Variants in ARHGAP11B observed in about 807,000 individuals in gnomAD.
ARHGAP11B encodes the protein Rho GTPase activating protein 11B.
A neutral mutation model predicts 27.6 loss-of-function variants in ARHGAP11B; 14 were observed. The ratio of observed to expected loss-of-function variants is 0.51; its 90% CI spans 0.34 to 0.79. The LOEUF (loss-of-function observed/expected upper bound fraction) is 0.79, where lower values mean the gene tolerates loss of function less well. ARHGAP11B is among the 30% of genes least tolerant of loss of function. The pLI, the probability that ARHGAP11B is intolerant of heterozygous loss-of-function variation, is 0.02. For synonymous variants in ARHGAP11B, 82 were observed against 114.1 expected (o/e 0.72, Z 1.80); for missense variants, 245 against 320.1 (o/e 0.77, Z 1.79).
chr15:30,628,053 T>C (rs1176045681), intron 1 of ARHGAP11B, among the ~76,000 whole-genome samples: 2 of 151,428 alleles, frequency 1.3e-5, no homozygotes, highest in Non-Finnish European at 1.5e-5. Flanking sequence ...ATATGGACTT[T>C]TTTTCACCCC....
intron 8 of ARHGAP11B, among the ~76,000 whole-genome samples, chr15:30,645,015 A>G (rs372470711): frequency 1.3e-5 from 2 of 151,822 alleles, no homozygotes; most frequent in East Asian, 3.9e-4. Context: ...AATTTCCACC[A>G]TTTATGGCAG....
At chr15:30,646,290 C>G in exon 9 of ARHGAP11B, 1 of 936,318 alleles carries the variant, frequency 1.1e-6, no homozygotes, top group Non-Finnish European at 1.3e-6. Flanking sequence ...TCTCCTTTCC[C>G]CGCTGGTAGG....
rs867182576 is a variant in ARHGAP11B, at chr15:30,641,358, A to G, written c.*78+2538A>G. 7.1e-4 allele frequency among the ~76,000 whole-genome samples: 106 copies of G among 149,342 alleles called. 2 individuals carry two copies. Among genetic ancestry groups the G allele is most frequent in the African/African-American group, 2.5e-3 (100 of 40,460 alleles). The stretch of plus-strand genomic sequence containing the variant: ...TGTCTCTTTTTTTTTTTTTTGAGAC[A>G]GAGTTTTGCTCTTGTTGCCCAGGCT... On this transcript the variant is annotated intron_variant, in intron 7 of 10. Coordinates refer to ENST00000428041, the Ensembl canonical transcript of ARHGAP11B.
At chr15:30,626,901 T>A in exon 1 of ARHGAP11B, 1 of 1,613,368 alleles carries the variant, frequency 6.2e-7, no homozygotes, top group South Asian at 1.1e-5. Flanking sequence ...AGGGTGTCCG[T>A]GGGCAGTGCG....
intron 2 of ARHGAP11B, 51 bp from the exon 3 acceptor site, chr15:30,633,439 G>T: frequency 6.6e-7 from 1 of 1,512,670 alleles, no homozygotes; most frequent in Non-Finnish European, 9.1e-7. Flanking sequence ...GTTAGCAGAG[G>T]AATAGGATGT....
At chr15:30,634,545 T>C (rs2060266772) in intron 4 of ARHGAP11B, 122 bp downstream of exon 4, 1 of 1,430,328 alleles carries the variant, frequency 7.0e-7, no homozygotes, top group Non-Finnish European at 9.4e-7. Context: ...CCATATTTCA[T>C]TACTATGAGG....
chr15:30,635,760 C>T (rs1057128672), intron 6 of ARHGAP11B, 127 bp downstream of exon 6: 8 of 877,798 alleles, frequency 9.1e-6, no homozygotes, highest in Non-Finnish European at 1.2e-5. Context: ...AAAGATAGGA[C>T]GTATGCGTGT....
At chr15:30,629,112 T>C (rs1253054891) in intron 1 of ARHGAP11B, among the ~76,000 whole-genome samples, 1 of 152,096 alleles carries the variant, frequency 6.6e-6, no homozygotes. Flanking sequence ...CAGACACTGA[T>C]ACAAGTGTTT....
rs71103435 is a variant in ARHGAP11B, at chr15:30,639,971, A to AGTGTGTGTGTGTGT, written c.*78+1180_*78+1193dup. Among the ~76,000 whole-genome samples, 147 of 143,280 alleles carry AGTGTGTGTGTGTGT rather than the reference A, an allele frequency of 1.0e-3. 2 individuals carry two copies. Among genetic ancestry groups the AGTGTGTGTGTGTGT allele is most frequent in the African/African-American group, 2.3e-3 (88 of 38,828 alleles). 94.0% of individuals were successfully genotyped at this position (143,280 alleles called of 152,430 possible). A position where few individuals can be genotyped will look rare whatever the true frequency, so the allele number is the denominator to read the frequency against. Reference sequence around the variant, plus strand: ...TAAAATAGACAGTGTTTCAATATAGAGTGTGTGTGTGTGTGTGTGTGTGTG... The same window carrying AGTGTGTGTGTGTGT: ...TAAAATAGACAGTGTTTCAATATAGAGTGTGTGTGTGTGTGTGTGTGTGTGTGTGTGTGTGTGTG... On this transcript the variant is annotated intron_variant, in intron 7 of 10. Coordinates refer to ENST00000428041, the Ensembl canonical transcript of ARHGAP11B.
intron 1 of ARHGAP11B, among the ~76,000 whole-genome samples, chr15:30,629,310 G>A (rs187034948): frequency 6.3e-4 from 96 of 152,130 alleles, no homozygotes; most frequent in East Asian, 3.1e-3. Flanking sequence ...TTGGGAGGCC[G>A]AGGAGGGTGG....
exon 11 of ARHGAP11B, among the ~76,000 whole-genome samples, chr15:30,648,345 G>C (rs954724601): frequency 1.3e-5 from 2 of 152,008 alleles, no homozygotes; most frequent in African/African-American, 2.4e-5. Context: ...TCAAGTGTTA[G>C]AAGGCTCTGG....
At chr15:30,636,352 A>G (rs2060279576) in intron 6 of ARHGAP11B, among the ~76,000 whole-genome samples, 1 of 152,014 alleles carries the variant, frequency 6.6e-6, no homozygotes, top group South Asian at 2.1e-4. Flanking sequence ...TCAAGGAAGA[A>G]TCAGAAAGAC....
rs150590279 is a variant in ARHGAP11B at position 30,635,211 on chromosome 15, TAC to T, written c.660+25_660+26del. On this transcript the variant is annotated intron_variant, in intron 5 of 10. Transcript: ENST00000428041. ...AAGGTACGATTACAGGCTGCAGTAG[TAC>T]AGACTCTTATCGATTATGCATCAGA... 6.7e-3 allele frequency: 10,806 copies of T among 1,610,656 alleles called. 333 individuals carry two copies. The African/African-American group carries it at 0.079, about 12-fold the overall frequency.
chr15:30,638,809 A>G, exon 7 of ARHGAP11B: 1 of 1,432,624 alleles, frequency 7.0e-7, no homozygotes, highest in Non-Finnish European at 9.3e-7. Flanking sequence ...ACACCTCAAC[A>G]AGAAAGAATT....
chr15:30,633,523 A>G, exon 3 of ARHGAP11B: 2 of 1,613,328 alleles, frequency 1.2e-6, no homozygotes, highest in Admixed American at 3.3e-5. Context: ...CTTTAGAAGA[A>G]CATATTCATA....
chr15:30,626,505 C>A, exon 1 of ARHGAP11B: 1 of 373,408 alleles, frequency 2.7e-6, no homozygotes, highest in East Asian at 4.6e-5. Flanking sequence ...AGGCGAGAAA[C>A]CGAAAGAATC....
At chr15:30,633,881 T>G (rs2060261592) in intron 3 of ARHGAP11B, among the ~76,000 whole-genome samples, 1 of 151,874 alleles carries the variant, frequency 6.6e-6, no homozygotes, top group South Asian at 2.1e-4. Flanking sequence ...GTGATATAGC[T>G]GAGTGTGGTG....
intron 6 of ARHGAP11B, among the ~76,000 whole-genome samples, chr15:30,637,558 C>T (rs2060287921): frequency 6.6e-6 from 1 of 151,976 alleles, no homozygotes; most frequent in Admixed American, 6.6e-5. Context: ...CACAGTGAAA[C>T]CCCGTCTCTA....
At chr15:30,628,324 G>T (rs1273373431) in intron 1 of ARHGAP11B, among the ~76,000 whole-genome samples, 1 of 151,694 alleles carries the variant, frequency 6.6e-6, no homozygotes, top group Non-Finnish European at 1.5e-5. Context: ...CTCGTGATCC[G>T]CCCGCCTCGG....
Sources: gnomAD v4.1 joint callset for allele counts (sites outside exome capture counted in the v4.1 genomes callset) on GRCh38, gnomAD v4.1.1 for gene constraint, MANE v1.5 for transcripts, NCBI Gene and HGNC (gene_info 2026-07-23, HGNC 2026-07-21) for gene names.